The following SPATA6 variants were observed in gnomAD, a reference collection of about 807,000 sequenced individuals.
SPATA6 encodes the protein spermatogenesis associated 6.
A neutral mutation model predicts 65.3 loss-of-function variants in SPATA6; 56 were observed. The ratio of observed to expected loss-of-function variants is 0.86; its 90% CI spans 0.69 to 1.07. SPATA6 has a LOEUF of 1.07. Ranked by LOEUF, SPATA6 falls within the 50% of genes least tolerant of loss-of-function variation. The pLI is 0.00. For synonymous variants in SPATA6, 199 were observed against 213.2 expected, an observed-to-expected ratio of 0.93 and a Z score of 0.58; for missense variants, 590 against 594.8, an observed-to-expected ratio of 0.99 and a Z score of 0.08.
At chr1:48,457,229 C>T (rs537791531) in intron 1 of SPATA6, among the ~76,000 whole-genome samples, 3 of 152,140 alleles carry the variant, frequency 2.0e-5, no homozygotes, top group East Asian at 1.9e-4. Context: ...GTCAGGAGTT[C>T]GAGACCAGCT....
At chr1:48,403,947 A>C in intron 5 of SPATA6, 65 bp from the exon 6 acceptor site, 2 of 1,180,634 alleles carry the variant, frequency 1.7e-6, no homozygotes, top group Non-Finnish European at 2.4e-6. Context: ...ATTAATGATA[A>C]GAATATGACC....
chr1:48,393,442 T>A (rs1650265489), intron 8 of SPATA6: 1 of 152,118 alleles, frequency 6.6e-6, no homozygotes, highest in South Asian at 2.1e-4. Context: ...AAGGAACTAA[T>A]CCATATTAAA....
intron 3 of SPATA6, chr1:48,436,563 C>T (rs1654956828): frequency 6.2e-7 from 1 of 1,612,554 alleles, no homozygotes; most frequent in Admixed American, 1.7e-5. Context: ...GCCTAGTGAC[C>T]CTCTCTGGCC....
At chr1:48,265,644 A>G in the SPATA6 span, among the ~76,000 whole-genome samples, 1 of 152,202 alleles carries the variant, frequency 6.6e-6, no homozygotes, top group Non-Finnish European at 1.5e-5. Context: ...AAAGCTGTGA[A>G]TAGGTGCTAG....
At chr1:48,383,941 GC>G (rs1315340058) in intron 9 of SPATA6, among the ~76,000 whole-genome samples, 2 of 148,158 alleles carry the variant, frequency 1.3e-5, no homozygotes, top group African/African-American at 5.0e-5. Context: ...CGGGGTGGCG[GC>G]CGGGCAGAGG....
chr1:48,345,839 A>C (rs545674803), intron 11 of SPATA6, among the ~76,000 whole-genome samples: 1 of 152,096 alleles, frequency 6.6e-6, no homozygotes, highest in South Asian at 2.1e-4. Flanking sequence ...GAAATTGAAG[A>C]AGTAATAAAT....
chr1:48,356,926 G>C (rs1646678307), intron 10 of SPATA6, among the ~76,000 whole-genome samples: 1 of 152,056 alleles, frequency 6.6e-6, no homozygotes, highest in Non-Finnish European at 1.5e-5. Flanking sequence ...TTAATCTCCT[G>C]TATATATAAA....
the SPATA6 span, among the ~76,000 whole-genome samples, chr1:48,264,750 C>T: frequency 3.3e-5 from 5 of 152,228 alleles, no homozygotes; most frequent in Non-Finnish European, 7.3e-5. Flanking sequence ...TACCACATTT[C>T]TGTATCCAGT....
chr1:48,314,983 C>A (rs946100534), intron 11 of SPATA6, among the ~76,000 whole-genome samples: 1 of 152,134 alleles, frequency 6.6e-6, no homozygotes, highest in Admixed American at 6.5e-5. Context: ...CCTCCCAAGA[C>A]TAAACCAGGA....
At chr1:48,322,522 G>C (rs1472235450) in intron 11 of SPATA6, among the ~76,000 whole-genome samples, 1 of 152,112 alleles carries the variant, frequency 6.6e-6, no homozygotes, top group Non-Finnish European at 1.5e-5. Context: ...AAGTCTTCAT[G>C]ACTAAAACCC....
intron 2 of SPATA6, 107 bp from the exon 3 acceptor site, chr1:48,451,707 T>C (rs1656586576): frequency 9.8e-7 from 1 of 1,023,020 alleles, no homozygotes; most frequent in Non-Finnish European, 1.4e-6. Context: ...CTTTTGACAT[T>C]ATTGAGAACT....
At chr1:48,389,874 A>G (rs78664558) in intron 8 of SPATA6, among the ~76,000 whole-genome samples, 12,772 of 152,184 alleles carry the variant, frequency 0.084, 545 homozygotes, top group Non-Finnish European at 0.093. Context: ...AAACACACAA[A>G]TGAGAAAGAG....
At position 48,305,787 on chromosome 1, in the gene SPATA6, C is replaced by G. The variant is rs368399091; in HGVS notation, c.1286G>C (p.Ser429Thr). Residue 429 changes from serine to threonine, a missense_variant and splice_region_variant, in exon 12 of 13, where the codon AGC (serine) becomes ACC (threonine). Ser to Thr is a moderately conservative substitution (Grantham distance 58, BLOSUM62 1). Coordinates refer to ENST00000371847, the MANE Select transcript of SPATA6 (RefSeq NM_019073.4). Reference protein sequence around the residue: ...DSAYDSDPEYSSCQQPRGTFH... With the variant: ...DSAYDSDPEYTSCQQPRGTFH... ...GGATATACATATATTTCATTCATAC[C>G]TATACTCGGGGTCACTGTCATAGGC... The G allele has an allele frequency of 1.9e-6, 3 of 1,605,076 alleles. No individual in the cohort carries two copies.
At chr1:48,343,769 C>T (rs772823920) in intron 11 of SPATA6, among the ~76,000 whole-genome samples, 12 of 151,966 alleles carry the variant, frequency 7.9e-5, no homozygotes, top group African/African-American at 1.2e-4. Flanking sequence ...AATACAAATA[C>T]AAAAGCAGGG....
intron 12 of SPATA6, among the ~76,000 whole-genome samples, chr1:48,304,874 C>G (rs768453496): frequency 6.6e-6 from 1 of 152,258 alleles, no homozygotes; most frequent in Middle Eastern, 3.4e-3. Flanking sequence ...AGGGAATATG[C>G]CTTTAATGAA....
intron 3 of SPATA6, among the ~76,000 whole-genome samples, chr1:48,439,011 A>G (rs111929713): frequency 0.16 from 23,833 of 152,116 alleles, 2,155 homozygotes; most frequent in East Asian, 0.43. Flanking sequence ...ATGAGAAATG[A>G]GGACAAAAGG....
intron 11 of SPATA6, among the ~76,000 whole-genome samples, chr1:48,354,904 A>C (rs1227922657): frequency 2.0e-5 from 3 of 152,020 alleles, no homozygotes; most frequent in Non-Finnish European, 2.9e-5. Flanking sequence ...TGCATTTTCT[A>C]TGTGTTCTTT....
At chr1:48,463,695 G>C (rs1245556133) in intron 1 of SPATA6, among the ~76,000 whole-genome samples, 1 of 152,116 alleles carries the variant, frequency 6.6e-6, no homozygotes, top group African/African-American at 2.4e-5. Context: ...GCTTCACCTG[G>C]ATGGGTACAC....
intron 11 of SPATA6, among the ~76,000 whole-genome samples, chr1:48,332,883 C>A (rs1645955492): frequency 6.6e-6 from 1 of 152,142 alleles, no homozygotes; most frequent in African/African-American, 2.4e-5. Context: ...CACTCTTGGA[C>A]CACAGTACAA....
Sources: allele counts gnomAD v4.1 joint callset (sites outside exome capture counted in the v4.1 genomes callset), GRCh38; gene constraint gnomAD v4.1.1; transcripts MANE v1.5; gene names NCBI Gene and HGNC (gene_info 2026-07-23, HGNC 2026-07-21).